The following PCGF3 variants were observed in gnomAD, a reference collection of about 807,000 sequenced individuals.
The protein encoded by PCGF3 is polycomb group ring finger 3.
A neutral mutation model predicts 33.1 loss-of-function variants in PCGF3; 7 were observed. That is an observed-to-expected ratio of 0.21 (90% CI 0.12 to 0.40). PCGF3 has a LOEUF of 0.40. Ranked by LOEUF, PCGF3 falls within the 10% of genes least tolerant of loss-of-function variation. The pLI is 1.00. For synonymous variants in PCGF3, 153 were observed against 121.3 expected, an observed-to-expected ratio of 1.26 and a Z score of -1.72; for missense variants, 211 against 313.3, an observed-to-expected ratio of 0.67 and a Z score of 2.46.
chr4:758,379 T>TC (rs1744873879), intron 8 of PCGF3, among the ~76,000 whole-genome samples: 1 of 143,848 alleles, frequency 7.0e-6, no homozygotes, highest in Non-Finnish European at 1.5e-5. Flanking sequence ...GAGGCCCCTC[T>TC]CCGGAGTTCT....
intron 8 of PCGF3, among the ~76,000 whole-genome samples, chr4:752,387 A>G (rs988990363): frequency 1.3e-5 from 2 of 152,164 alleles, no homozygotes; most frequent in Non-Finnish European, 2.9e-5. Context: ...AGTATAAGCC[A>G]TCGGTCTGTT....
In PCGF3 at chr4:733,038, G is replaced by A. The variant is rs547433410; in HGVS notation, c.-9-634G>A. ...GCCTGGCATTGTGCCCACCCTGTGA[G>A]GGTAGGGTGGGGCCCCTGCCGCGTG... On this transcript the variant is annotated intron_variant, in intron 3 of 10. Coordinates refer to ENST00000362003, the Ensembl canonical transcript of PCGF3. Among the ~76,000 whole-genome samples the A allele has an allele frequency of 5.8e-4, 87 of 148,886 alleles. 1 individual carries two copies. The highest frequency in any genetic ancestry group is 9.5e-4 in the Admixed American group (14 of 14,748).
chr4:757,020 G>A (rs1744798906), intron 8 of PCGF3: 1 of 152,206 alleles, frequency 6.6e-6, no homozygotes, highest in South Asian at 2.1e-4. Flanking sequence ...TCAGTCCTGA[G>A]GTTAGTATTA....
rs555932922 is a variant in PCGF3 at position 725,958 on chromosome 4, C to T, written c.-189-4672C>T. Among the ~76,000 whole-genome samples the T allele has an allele frequency of 2.6e-4, 39 of 152,284 alleles. 1 individual carries two copies. In the South Asian group the frequency reaches 8.1e-3, roughly 32 times the overall value. Reference sequence around the variant, plus strand: ...CTCTCCGCCAGGCTCTCTGTGTCTCCGATTAACCCTCAGGTCGTCCCAGCC... The same window carrying T: ...CTCTCCGCCAGGCTCTCTGTGTCTCTGATTAACCCTCAGGTCGTCCCAGCC... On this transcript the variant is annotated intron_variant, in intron 1 of 10. Coordinates refer to ENST00000362003, the Ensembl canonical transcript of PCGF3.
chr4:730,644 C>G (rs1319248080), exon 2 of PCGF3: 1 of 182,614 alleles, frequency 5.5e-6, no homozygotes, highest in Non-Finnish European at 1.1e-5. Context: ...CACAATGTAG[C>G]AGGGACCCCA....
At chr4:724,785 G>A (rs534401526) in intron 1 of PCGF3, among the ~76,000 whole-genome samples, 2 of 151,632 alleles carry the variant, frequency 1.3e-5, no homozygotes, top group African/African-American at 2.4e-5. Context: ...GCGACAGAGC[G>A]AGATTCCGTC....
exon 11 of PCGF3, chr4:768,548 G>A (rs1333877272): frequency 2.0e-5 from 3 of 152,012 alleles, no homozygotes; most frequent in African/African-American, 2.4e-5. Context: ...AACAAATGCT[G>A]TTAAATCACC....
At chr4:727,065 A>T (rs375907953) in intron 1 of PCGF3, among the ~76,000 whole-genome samples, 32 of 150,918 alleles carry the variant, frequency 2.1e-4, no homozygotes, top group Middle Eastern at 3.4e-3. Context: ...TGCGTTGCTC[A>T]CTCTCACTGC....
intron 8 of PCGF3, among the ~76,000 whole-genome samples, chr4:750,220 C>T (rs961318563): frequency 1.3e-5 from 2 of 152,248 alleles, no homozygotes; most frequent in Non-Finnish European, 2.9e-5. Context: ...GTAATTTCAT[C>T]AGAGTTCCTT....
chr4:756,402 G>A (rs1287341831), intron 8 of PCGF3, among the ~76,000 whole-genome samples: 5 of 151,342 alleles, frequency 3.3e-5, no homozygotes, highest in Non-Finnish European at 5.9e-5. Flanking sequence ...TATTACAGAC[G>A]GGGTTTCACT....
intron 9 of PCGF3, among the ~76,000 whole-genome samples, chr4:763,417 G>C (rs1745179531): frequency 6.6e-6 from 1 of 152,080 alleles, no homozygotes; most frequent in African/African-American, 2.4e-5. Context: ...GTGCCTCTGA[G>C]CCCCCAACCC....
At chr4:710,694 G>T (rs1202200920) in intron 1 of PCGF3, among the ~76,000 whole-genome samples, 2 of 152,224 alleles carry the variant, frequency 1.3e-5, no homozygotes, top group African/African-American at 4.8e-5. Flanking sequence ...AGATAGAAAA[G>T]ATTCTTAGGA....
At chr4:766,288 A>T in exon 11 of PCGF3, 1 of 535,078 alleles carries the variant, frequency 1.9e-6, no homozygotes, top group South Asian at 2.2e-5. Flanking sequence ...AGTCTCCCAG[A>T]GCCGATCGTC....
At chr4:726,129 C>A (rs1185088018) in intron 1 of PCGF3, among the ~76,000 whole-genome samples, 1 of 152,256 alleles carries the variant, frequency 6.6e-6, no homozygotes, top group African/African-American at 2.4e-5. Context: ...CGCACCTGGC[C>A]TGTGTGGCGC....
chr4:723,281 G>A (rs1304106296), intron 1 of PCGF3, among the ~76,000 whole-genome samples: 1 of 152,258 alleles, frequency 6.6e-6, no homozygotes, highest in African/African-American at 2.4e-5. Context: ...ATGGAGCCAC[G>A]TGACCTTGAG....
Position 758,812 on chromosome 4 carries a change from T to G in PCGF3, c.463-2467T>G, listed in dbSNP as rs182290283. Among the ~76,000 whole-genome samples, 2 of 5,706 alleles carry G rather than the reference T, an allele frequency of 3.5e-4. 1 individual carries two copies. The highest frequency in any genetic ancestry group is 7.6e-4 in the Non-Finnish European group (2 of 2,630). 3.7% of individuals were successfully genotyped at this position (5,706 alleles called of 152,430 possible). ...CGCGGCCCCTCTCCCGAGCTCTTCTTGCTCCGGACTCCGGGTCTTTCTCCC... is the reference window on the plus strand; with the variant it reads ...CGCGGCCCCTCTCCCGAGCTCTTCTGGCTCCGGACTCCGGGTCTTTCTCCC... On this transcript the variant is annotated intron_variant, in intron 8 of 10. Transcript: ENST00000362003.
intron 1 of PCGF3, among the ~76,000 whole-genome samples, chr4:716,306 G>A (rs1374936849): frequency 1.6e-5 from 2 of 125,780 alleles, no homozygotes; most frequent in Non-Finnish European, 3.3e-5. Context: ...ACTGGGCGTC[G>A]GTGCTGGGAC....
chr4:711,696 A>G (rs1742577556), intron 1 of PCGF3, among the ~76,000 whole-genome samples: 1 of 151,456 alleles, frequency 6.6e-6, no homozygotes, highest in Non-Finnish European at 1.5e-5. Context: ...TGACCTCATG[A>G]TCCACCCGCC....
chr4:762,588 ATG>A (rs1745121267), intron 9 of PCGF3: 1 of 152,310 alleles, frequency 6.6e-6, no homozygotes, highest in Non-Finnish European at 1.5e-5. Context: ...CAACATGAGG[ATG>A]CAGCAGAAGG....
Sources: gnomAD v4.1 joint callset for allele counts (sites outside exome capture counted in the v4.1 genomes callset) on GRCh38, gnomAD v4.1.1 for gene constraint, MANE v1.5 for transcripts, NCBI Gene and HGNC (gene_info 2026-07-23, HGNC 2026-07-21) for gene names.